MAGI1: variants seen among roughly 807,000 people sequenced by gnomAD.
MAGI1 encodes the protein membrane-associated guanylate kinase, WW and PDZ domain-containing protein 1.
In MAGI1, 58 loss-of-function variants were observed where a neutral mutation model predicts 139.9. That is an observed-to-expected ratio of 0.41 (90% CI 0.34 to 0.52). The LOEUF is 0.52. Among genes scored for constraint, MAGI1 ranks in the 20% least tolerant of loss-of-function variants. The pLI is 0.12. For synonymous variants in MAGI1, 812 were observed against 737.9 expected, an observed-to-expected ratio of 1.10 and a Z score of -1.63; for missense variants, 1,874 against 1,901.6, an observed-to-expected ratio of 0.99 and a Z score of 0.27.
rs77660079 is a variant in MAGI1 at position 65,883,753 on chromosome 3, T to C, written c.313+154243A>G. 5.9e-3 allele frequency among the ~76,000 whole-genome samples: 893 copies of C among 152,310 alleles called. 7 individuals carry two copies. The highest frequency in any genetic ancestry group is 0.021 in the African/African-American group (858 of 41,560). ...CCTCAGTCTGATTTTCCCTGTCTCT[T>C]GCCCTCAGACAGAGGGAGAAACAAT... On this transcript the variant is annotated intron_variant, in intron 1 of 22. Transcript: ENST00000402939.
At chr3:65,797,378 A>G (rs1364531040) in intron 1 of MAGI1, among the ~76,000 whole-genome samples, 1 of 152,212 alleles carries the variant, frequency 6.6e-6, no homozygotes, top group Non-Finnish European at 1.5e-5. Context: ...ACTCTGATCT[A>G]TGTATGGCAA....
chr3:65,665,842 T>C (rs1427221041), intron 1 of MAGI1, among the ~76,000 whole-genome samples: 1 of 152,200 alleles, frequency 6.6e-6, no homozygotes, highest in Non-Finnish European at 1.5e-5. Context: ...TATGAACCAC[T>C]GTGATACATC....
intron 1 of MAGI1, among the ~76,000 whole-genome samples, chr3:66,006,447 A>C (rs2067015142): frequency 6.6e-6 from 1 of 152,196 alleles, no homozygotes; most frequent in South Asian, 2.1e-4. Context: ...ATAGGTATAC[A>C]TGTATATGTG....
intron 1 of MAGI1, chr3:66,004,061 T>C (rs1275102655): frequency 2.0e-5 from 3 of 152,168 alleles, no homozygotes; most frequent in African/African-American, 7.2e-5. Flanking sequence ...TCTAAAACAA[T>C]TCAGAAGCTG....
At chr3:65,842,524 G>T (rs1207818497) in intron 1 of MAGI1, among the ~76,000 whole-genome samples, 1 of 152,036 alleles carries the variant, frequency 6.6e-6, no homozygotes, top group Non-Finnish European at 1.5e-5. Flanking sequence ...ACCACGCTGG[G>T]CTAATTTTGT....
chr3:65,838,033 G>A (rs1267977911), intron 1 of MAGI1, among the ~76,000 whole-genome samples: 4 of 152,104 alleles, frequency 2.6e-5, no homozygotes, highest in East Asian at 1.9e-4. Flanking sequence ...CTTCAAAGCC[G>A]GAAAACTGGC....
intron 12 of MAGI1, among the ~76,000 whole-genome samples, chr3:65,407,520 T>G (rs1168100258): frequency 2.0e-5 from 3 of 150,574 alleles, no homozygotes; most frequent in East Asian, 3.9e-4. Context: ...GTTATATCAA[T>G]ACGATGAAAA....
At chr3:65,847,161 A>G (rs924901578) in intron 1 of MAGI1, among the ~76,000 whole-genome samples, 1 of 152,196 alleles carries the variant, frequency 6.6e-6, no homozygotes, top group African/African-American at 2.4e-5. Flanking sequence ...TATAAATACA[A>G]AAATCCTATC....
intron 2 of MAGI1, among the ~76,000 whole-genome samples, chr3:65,573,149 A>G (rs937913183): frequency 6.6e-5 from 10 of 152,168 alleles, no homozygotes; most frequent in Non-Finnish European, 1.3e-4. Flanking sequence ...AGATACATAT[A>G]TAAGGGGTTA....
At chr3:65,635,500 T>C (rs2107189439) in intron 1 of MAGI1, among the ~76,000 whole-genome samples, 1 of 152,328 alleles carries the variant, frequency 6.6e-6, no homozygotes, top group East Asian at 1.9e-4. Flanking sequence ...TCTCAATGCC[T>C]ACCATATGAA....
chr3:65,714,508 C>A (rs552308206), intron 1 of MAGI1, among the ~76,000 whole-genome samples: 9 of 152,006 alleles, frequency 5.9e-5, no homozygotes, highest in Admixed American at 2.6e-4. Context: ...TGGGAGCCTA[C>A]GTAAACATGA....
At chr3:65,809,831 C>CT (rs752702925) in intron 1 of MAGI1, among the ~76,000 whole-genome samples, 26 of 152,302 alleles carry the variant, frequency 1.7e-4, no homozygotes, top group Non-Finnish European at 2.9e-4. Flanking sequence ...TCCAGTTCCT[C>CT]TTTCTACAGG....
intron 1 of MAGI1, among the ~76,000 whole-genome samples, chr3:65,794,261 G>T (rs2039976391): frequency 6.6e-6 from 1 of 152,164 alleles, no homozygotes; most frequent in South Asian, 2.1e-4. Flanking sequence ...CAGGCAGGGA[G>T]GAAACATTTG....
At chr3:65,439,336 A>G (rs1189404389) in intron 9 of MAGI1, among the ~76,000 whole-genome samples, 1 of 152,154 alleles carries the variant, frequency 6.6e-6, no homozygotes, top group Non-Finnish European at 1.5e-5. Context: ...AAATTTCTGC[A>G]CAGGGCTTAT....
intron 1 of MAGI1, among the ~76,000 whole-genome samples, chr3:65,789,856 A>T (rs1323058636): frequency 6.6e-6 from 1 of 152,214 alleles, no homozygotes; most frequent in Non-Finnish European, 1.5e-5. Flanking sequence ...CAATCTCAAT[A>T]ATTTGGACAA....
chr3:65,600,374 A>G (rs1479858679), intron 2 of MAGI1, among the ~76,000 whole-genome samples: 1 of 152,210 alleles, frequency 6.6e-6, no homozygotes, highest in Non-Finnish European at 1.5e-5. Flanking sequence ...ATAATAACAA[A>G]TTATTTTCAA....
At chr3:65,880,339 C>T (rs1007071234) in intron 1 of MAGI1, among the ~76,000 whole-genome samples, 8 of 152,144 alleles carry the variant, frequency 5.3e-5, no homozygotes, top group African/African-American at 9.7e-5. Flanking sequence ...GCAGTGATGG[C>T]TGCTGTCATC....
chr3:65,825,644 T>C (rs1369975809), intron 1 of MAGI1, among the ~76,000 whole-genome samples: 1 of 152,192 alleles, frequency 6.6e-6, no homozygotes, highest in East Asian at 1.9e-4. Context: ...AACATAAAAC[T>C]ATATATTCAT....
intron 1 of MAGI1, among the ~76,000 whole-genome samples, chr3:65,957,350 C>A (rs370701002): frequency 0.018 from 1,582 of 90,010 alleles, no homozygotes; most frequent in Admixed American, 0.02. Context: ...CCTGTCTCTA[C>A]AAAAAAAAAA....
Sources: allele counts gnomAD v4.1 joint callset (sites outside exome capture counted in the v4.1 genomes callset), GRCh38; gene constraint gnomAD v4.1.1; transcripts MANE v1.5; gene names NCBI Gene and HGNC (gene_info 2026-07-23, HGNC 2026-07-21).